NAV3: variants seen among roughly 807,000 people sequenced by gnomAD.
The protein encoded by NAV3 is pore membrane and/or filament interacting like protein 1.
In NAV3, 87 loss-of-function variants were observed where a neutral mutation model predicts 244.7. That is an observed-to-expected ratio of 0.36 (90% CI 0.30 to 0.42). NAV3 has a LOEUF of 0.42. Ranked by LOEUF, NAV3 falls within the 20% of genes least tolerant of loss-of-function variation. The pLI, the probability that NAV3 is intolerant of heterozygous loss-of-function variation, is 1.00. For missense variants in NAV3, 2,663 were observed against 2,893.3 expected, an observed-to-expected ratio of 0.92 and a Z score of 1.83; for synonymous variants, 1,126 against 1,042.2, an observed-to-expected ratio of 1.08 and a Z score of -1.55.
At chr12:77,594,282 T>A (rs893981022) in intron 2 of NAV3, among the ~76,000 whole-genome samples, 1 of 152,022 alleles carries the variant, frequency 6.6e-6, no homozygotes, top group Non-Finnish European at 1.5e-5. Context: ...AAAAGAAGAT[T>A]CACTCAAATT....
At position 78,122,445 on chromosome 12, in the gene NAV3, G is replaced by A. The variant is rs1301623147; in HGVS notation, c.4238+17G>A. 6.4e-7 allele frequency: 1 copy of A among 1,561,398 alleles called. No individual in the cohort carries two copies. The highest frequency in any genetic ancestry group is 2.2e-5 in the East Asian group (1 of 44,578). ...CTCAGAAAGGTGAGCTTTCCTGGAGGCATTGATAACATCTTCCCCCTCTTC... is the reference window on the plus strand; with the variant it reads ...CTCAGAAAGGTGAGCTTTCCTGGAGACATTGATAACATCTTCCCCCTCTTC... On this transcript the variant is annotated intron_variant, in intron 16 of 39. Coordinates refer to ENST00000397909, the MANE Select transcript of NAV3 (RefSeq NM_001024383.2).
Position 78,050,863 on chromosome 12 carries a change from G to A in NAV3, c.2232G>A (p.Leu744=), listed in dbSNP as rs2137249074. ...TSRPTPMTWR[L]GQACPRLQAG... is the part of the protein sequence containing the mutation. The stretch of plus-strand genomic sequence containing the variant: ...GACCCACCCCCATGACCTGGAGGTT[G>A]GGCCAGGCATGTCCGCGACTTCAGG... Residue 744 remains leucine, a synonymous_variant, in exon 11 of 40, where the codon TTG becomes TTA. Transcript: ENST00000397909. The A allele has an allele frequency of 1.9e-6, 3 of 1,614,146 alleles. No individual in the cohort carries two copies. The highest frequency in any genetic ancestry group is 2.5e-6 in the Non-Finnish European group (3 of 1,180,028).
At position 78,212,501 on chromosome 12, in the gene NAV3, A is replaced by T. The variant is rs1960957676; in HGVS notation, c.*1984A>T. 6.6e-6 allele frequency: 1 copy of T among 152,620 alleles called. No individual in the cohort carries two copies. The highest frequency in any genetic ancestry group is 6.5e-5 in the Admixed American group (1 of 15,276). The allele number at this position is 152,620 out of a possible 1,614,324, so 9.5% of individuals were successfully genotyped here. On this transcript the variant is annotated 3_prime_UTR_variant, in exon 40 of 40. Coordinates refer to ENST00000397909, the MANE Select transcript of NAV3 (RefSeq NM_001024383.2). ...ATCCGAACTGAATTTATGCACATAGAATTGTCACCCTGACTTTGAAGCCTC... is the reference window on the plus strand; with the variant it reads ...ATCCGAACTGAATTTATGCACATAGTATTGTCACCCTGACTTTGAAGCCTC...
intron 2 of NAV3, among the ~76,000 whole-genome samples, chr12:77,612,143 T>G (rs1870944346): frequency 6.6e-6 from 1 of 152,086 alleles, no homozygotes; most frequent in African/African-American, 2.4e-5. Flanking sequence ...TGAACAGACT[T>G]TTTAAAGTAT....
chr12:78,049,439 A>C (rs1882389392), intron 9 of NAV3, among the ~76,000 whole-genome samples: 1 of 152,142 alleles, frequency 6.6e-6, no homozygotes, highest in Non-Finnish European at 1.5e-5. Context: ...ACAGTCCCTC[A>C]TGACTTCCCT....
rs770028892 is a variant in NAV3 at position 78,177,612 on chromosome 12, A to G, written c.5298-8A>G. Reference sequence around the variant, plus strand: ...TCCATGTATCTGTCTAACTGTATGTACATACAGGTCACCCCTTGTCTGGCC... The same window carrying G: ...TCCATGTATCTGTCTAACTGTATGTGCATACAGGTCACCCCTTGTCTGGCC... On this transcript the variant is annotated splice_region_variant and splice_polypyrimidine_tract_variant and intron_variant, in intron 27 of 39. Transcript: ENST00000397909. 1.9e-6 allele frequency: 3 copies of G among 1,596,694 alleles called. No homozygotes were observed. Among genetic ancestry groups the G allele is most frequent in the Non-Finnish European group, 2.5e-6 (3 of 1,178,708 alleles).
At chr12:78,031,110 C>G (rs1289574892) in intron 9 of NAV3, among the ~76,000 whole-genome samples, 1 of 152,078 alleles carries the variant, frequency 6.6e-6, no homozygotes, top group Non-Finnish European at 1.5e-5. Flanking sequence ...GTTAGTCTTG[C>G]CAGGGTAAGA....
chr12:77,948,654 A>G (rs1890586740), intron 3 of NAV3, among the ~76,000 whole-genome samples: 2 of 150,934 alleles, frequency 1.3e-5, no homozygotes, highest in Admixed American at 6.7e-5. Flanking sequence ...GTTTTTAAGG[A>G]ACTTATTGCT....
intron 2 of NAV3, among the ~76,000 whole-genome samples, chr12:77,712,710 GA>G (rs1280331757): frequency 6.6e-6 from 1 of 152,124 alleles, no homozygotes; most frequent in East Asian, 1.9e-4. Flanking sequence ...TTATTTTAAT[GA>G]ATATAAAATG....
chr12:77,961,676 A>G (rs963232823), intron 3 of NAV3, among the ~76,000 whole-genome samples: 1 of 146,380 alleles, frequency 6.8e-6, no homozygotes, highest in Non-Finnish European at 1.5e-5. Context: ...ACATACATGT[A>G]ATATATGTAA....
chr12:78,024,078 G>T (rs192903935), intron 9 of NAV3, among the ~76,000 whole-genome samples: 36 of 152,214 alleles, frequency 2.4e-4, no homozygotes, highest in Admixed American at 6.5e-4. Flanking sequence ...CTCCAGCAAT[G>T]ATTCCACTAG....
intron 1 of NAV3, among the ~76,000 whole-genome samples, chr12:77,911,703 G>A (rs1184676660): frequency 2.0e-5 from 3 of 151,838 alleles, no homozygotes; most frequent in East Asian, 1.9e-4. Context: ...AAATGTATTC[G>A]AAGGATCAAT....
intron 9 of NAV3, among the ~76,000 whole-genome samples, chr12:78,045,830 G>C (rs1385780677): frequency 2.0e-5 from 3 of 152,130 alleles, no homozygotes; most frequent in African/African-American, 7.2e-5. Context: ...TCGTAGTTCT[G>C]TTAGAATTCG....
chr12:77,634,253 AT>A (rs1565746116), intron 2 of NAV3, among the ~76,000 whole-genome samples: 1 of 152,072 alleles, frequency 6.6e-6, no homozygotes, highest in Non-Finnish European at 1.5e-5. Context: ...ATAACTTCTG[AT>A]TGTACTTTCA....
At position 78,181,815 on chromosome 12, in the gene NAV3, T is replaced by C. The variant is rs114151032; in HGVS notation, c.5692+770T>C. On this transcript the variant is annotated intron_variant, in intron 30 of 39. Coordinates refer to ENST00000397909, the MANE Select transcript of NAV3 (RefSeq NM_001024383.2). ...AGATTCCATTATAGAATGGAGATAG[T>C]ACACTGCTTGCCTTAAATCATATTA... Among the ~76,000 whole-genome samples the C allele has an allele frequency of 6.5e-3, 985 of 152,088 alleles. 12 individuals carry two copies. Among genetic ancestry groups the C allele is most frequent in the African/African-American group, 0.023 (940 of 41,526 alleles).
intron 3 of NAV3, among the ~76,000 whole-genome samples, chr12:77,959,979 G>T (rs1248210144): frequency 7.0e-6 from 1 of 143,222 alleles, no homozygotes; most frequent in East Asian, 2.0e-4. Context: ...CAGGCCAAAT[G>T]CTATTACAGA....
intron 2 of NAV3, among the ~76,000 whole-genome samples, chr12:77,619,914 A>G: frequency 6.6e-6 from 1 of 152,096 alleles, no homozygotes; most frequent in Admixed American, 6.6e-5. Context: ...CAGTCTTTGG[A>G]AATTTTCAAA....
chr12:78,092,835 C>T lies in NAV3; in HGVS notation c.2637-23937C>T, dbSNP rs959507512. On this transcript the variant is annotated intron_variant, in intron 12 of 39. Coordinates refer to ENST00000397909, the MANE Select transcript of NAV3 (RefSeq NM_001024383.2). Reference sequence around the variant, plus strand: ...TTTTCTAAAGTGTTTCATCCATATTCGCTTGGGTCTTCAGTCAAATTTTAA... The same window carrying T: ...TTTTCTAAAGTGTTTCATCCATATTTGCTTGGGTCTTCAGTCAAATTTTAA... 4.6e-5 allele frequency among the ~76,000 whole-genome samples: 7 copies of T among 152,044 alleles called. 1 individual carries two copies. Among genetic ancestry groups the T allele is most frequent in the Non-Finnish European group, 8.8e-5 (6 of 67,984 alleles).
chr12:77,782,116 T>C (rs1270614620), intron 2 of NAV3, among the ~76,000 whole-genome samples: 1 of 152,144 alleles, frequency 6.6e-6, no homozygotes, highest in Non-Finnish European at 1.5e-5. Context: ...CCTAAAAGTC[T>C]CCTAACAAGA....
Sources: gnomAD v4.1 joint callset for allele counts (sites outside exome capture counted in the v4.1 genomes callset) on GRCh38, gnomAD v4.1.1 for gene constraint, MANE v1.5 for transcripts, NCBI Gene and HGNC (gene_info 2026-07-23, HGNC 2026-07-21) for gene names.